The following TMC6 variants were observed in gnomAD, a reference collection of about 807,000 sequenced individuals.
TMC6 encodes transmembrane channel-like protein 6.
TMC6 carries 71 observed loss-of-function variants against 95.4 expected under a neutral mutation model. The ratio of observed to expected loss-of-function variants is 0.74; its 90% CI spans 0.61 to 0.91. The LOEUF is 0.91. Ranked by LOEUF, TMC6 falls within the 40% of genes least tolerant of loss-of-function variation. The probability of loss-of-function intolerance (pLI) is 0.00; values close to 1 mark genes in which losing one functional copy is unlikely to be tolerated. For missense variants in TMC6, 1,074 were observed against 1,079.1 expected (o/e 1.00, Z 0.07); for synonymous variants, 514 against 483.1 (o/e 1.06, Z -0.84).
chr17:78,132,272 G>A (rs1184520316), upstream of TMC6: 30 of 1,528,732 alleles, frequency 2.0e-5, no homozygotes, highest in East Asian at 4.7e-4. Flanking sequence ...GGCACCCCAC[G>A]CCGTCCGGTG....
upstream of TMC6, chr17:78,131,330 G>A: frequency 1.7e-6 from 1 of 584,472 alleles, no homozygotes; most frequent in Non-Finnish European, 3.0e-6. Context: ...GTTGGAGCGG[G>A]GCTGGGCCCG....
chr17:78,131,688 ACGC>A, upstream of TMC6: 1 of 1,577,318 alleles, frequency 6.3e-7, no homozygotes, highest in East Asian at 2.3e-5. Context: ...CGGCTCTGGG[ACGC>A]CCGTGCGCGG....
chr17:78,125,058 C>T (rs2074633526), intron 6 of TMC6, 73 bp from the exon 7 acceptor site: 3 of 1,540,434 alleles, frequency 1.9e-6, no homozygotes, highest in Admixed American at 2.0e-5. Context: ...AGACCGGCCA[C>T]CCACGGGCTC....
At chr17:78,125,677 C>G in intron 5 of TMC6, 49 bp downstream of exon 5, 3 of 1,548,132 alleles carry the variant, frequency 1.9e-6, no homozygotes, top group Non-Finnish European at 2.6e-6. Context: ...TCTTGCACCC[C>G]ACCCCAGGCC....
At position 78,125,816 on chromosome 17, in the gene TMC6, G is replaced by C. The variant is rs201014463; in HGVS notation, c.340C>G (p.Arg114Gly). 9.0e-6 allele frequency: 14 copies of C among 1,556,610 alleles called. No individual in the cohort carries two copies. The South Asian group carries it at 1.7e-4, about 18-fold the overall frequency. Residue 114 changes from arginine to glycine, a missense_variant, in exon 5 of 20, where the codon CGG (arginine) becomes GGG (glycine). Coordinates refer to ENST00000590602, the MANE Select transcript of TMC6 (RefSeq NM_001127198.5). ...RTVQLRCRSS[R>G]PLLGNFVRSA... is the part of the protein sequence containing the mutation. ...CGGACAAAGTTCCCGAGCAGGGGCCGGCTGCTCCTGCACCGAAGCTGCACC... is the reference window on the plus strand; with the variant it reads ...CGGACAAAGTTCCCGAGCAGGGGCCCGCTGCTCCTGCACCGAAGCTGCACC...
chr17:78,109,393 T>C lies in TMC6; in HGVS notation c.*3755A>G. 2.2e-6 allele frequency: 1 copy of C among 454,412 alleles called. No homozygotes were observed. Among genetic ancestry groups the C allele is most frequent in the Non-Finnish European group, 4.4e-6 (1 of 226,142 alleles). 28.1% of individuals were successfully genotyped at this position (454,412 alleles called of 1,614,324 possible). Reference sequence around the variant, plus strand: ...AGGATCCACGTGGAAACAAAGCTGCTTAGCTCTGCATATCAGTGCTTCTCG... The same window carrying C: ...AGGATCCACGTGGAAACAAAGCTGCCTAGCTCTGCATATCAGTGCTTCTCG... On this transcript the variant is annotated 3_prime_UTR_variant, in exon 20 of 20. Transcript: ENST00000590602.
intron 19 of TMC6, 149 bp downstream of exon 19, chr17:78,113,399 G>C (rs1410621276): frequency 8.3e-7 from 1 of 1,210,118 alleles, no homozygotes; most frequent in African/African-American, 1.5e-5. Context: ...GAGAGTGAAG[G>C]TGGGCGCCGG....
At chr17:78,131,001 C>G (rs1418874637), upstream of TMC6, 1 of 179,428 alleles carries the variant, frequency 5.6e-6, no homozygotes. Flanking sequence ...CGCGGGGTAC[C>G]TGGGACTGGA....
intron 19 of TMC6, 135 bp downstream of exon 19, chr17:78,113,413 G>A (rs1428330061): frequency 3.2e-6 from 4 of 1,260,048 alleles, no homozygotes; most frequent in African/African-American, 1.5e-5. Context: ...GCGCCGGGGG[G>A]GAGATTTTTG....
In TMC6 at chr17:78,124,794, G is replaced by A. The variant is rs2074612997; in HGVS notation, c.634-13C>T. ...GGCTGTGCAAGGCCTGCGGGCACAGGCAGAGAGGCCCTGAGGGTGAGGCCG... is the reference window on the plus strand; with the variant it reads ...GGCTGTGCAAGGCCTGCGGGCACAGACAGAGAGGCCCTGAGGGTGAGGCCG... On this transcript the variant is annotated splice_polypyrimidine_tract_variant and intron_variant, in intron 7 of 19. Coordinates refer to ENST00000590602, the MANE Select transcript of TMC6 (RefSeq NM_001127198.5). 3.2e-6 allele frequency: 5 copies of A among 1,579,464 alleles called. No homozygotes were observed. The highest frequency in any genetic ancestry group is 2.3e-5 in the South Asian group (2 of 87,342).
At position 78,125,251 on chromosome 17, in the gene TMC6, A is replaced by T; in HGVS notation, c.443T>A (p.Leu148His). 1 of 1,576,168 alleles carries T rather than the reference A, an allele frequency of 6.3e-7. No homozygotes were observed. The change falls in exon 6 of 20, where the codon CTC (leucine) becomes CAC (histidine). Residue 148 changes from leucine (L) to histidine (H), a missense_variant. Physicochemically the swap from Leu to His is moderately conservative, Grantham distance 99. Coordinates refer to ENST00000590602, the MANE Select transcript of TMC6 (RefSeq NM_001127198.5). ...TALEEEEKQS[L>H]LVKELQSLAV... The stretch of plus-strand genomic sequence containing the variant: ...CAGGCTCTGGAGCTCCTTCACCAGG[A>T]GGCTCTGCTTCTCTGCGAGAGGGAG...
chr17:78,130,519 C>G (rs944099669), upstream of TMC6: 1 of 152,408 alleles, frequency 6.6e-6, no homozygotes, highest in Non-Finnish European at 1.5e-5. Context: ...CCAGTGGACC[C>G]TAGGGCTGCA....
intron 17 of TMC6, 33 bp from the exon 18 acceptor site, chr17:78,117,380 G>A (rs754165500): frequency 6.2e-7 from 1 of 1,612,722 alleles, no homozygotes; most frequent in Non-Finnish European, 8.5e-7. Context: ...CAGGGCCCAG[G>A]GCCACAGCCC....
At chr17:78,113,513 C>T (rs1325065601) in intron 19 of TMC6, 35 bp downstream of exon 19, 7 of 1,611,698 alleles carry the variant, frequency 4.3e-6, no homozygotes, top group South Asian at 3.3e-5. Flanking sequence ...CCCCTCCAGG[C>T]TCAGAGTGTC....
Position 78,112,375 on chromosome 17 carries a change from C to A in TMC6, c.*773G>T. The A allele has an allele frequency of 5.2e-6, 1 of 191,620 alleles. No individual in the cohort carries two copies. Among genetic ancestry groups the A allele is most frequent in the South Asian group, 6.7e-5 (1 of 14,838 alleles). The allele number at this position is 191,620 out of a possible 1,614,324, so 11.9% of individuals were successfully genotyped here. ...TGGTCCCCGAATCCCTGTGCCCACC[C>A]CCCACAGCCTACGGTTTTCGGTATC... On this transcript the variant is annotated 3_prime_UTR_variant, in exon 20 of 20. Coordinates refer to ENST00000590602, the MANE Select transcript of TMC6 (RefSeq NM_001127198.5).
At chr17:78,115,963 G>A (rs984089483) in intron 18 of TMC6, among the ~76,000 whole-genome samples, 1 of 151,866 alleles carries the variant, frequency 6.6e-6, no homozygotes. Context: ...GTACTCCTGG[G>A]GGCTGCCTCT....
Position 78,113,056 on chromosome 17 carries a change from C to T in TMC6, c.*92G>A. 1 of 1,467,328 alleles carries T rather than the reference C, an allele frequency of 6.8e-7. No individual in the cohort carries two copies. The highest frequency in any genetic ancestry group is 9.3e-7 in the Non-Finnish European group (1 of 1,073,118). 90.9% of individuals were successfully genotyped at this position (1,467,328 alleles called of 1,614,324 possible). ...TGCGGCTTTCGAGAGGCGAAACTGT[C>T]TTCCTTGTCCTGGTGTCCCAGCAGG... On this transcript the variant is annotated 3_prime_UTR_variant, in exon 20 of 20. Transcript: ENST00000590602.
chr17:78,131,886 C>A, upstream of TMC6: 1 of 1,459,468 alleles, frequency 6.9e-7, no homozygotes, highest in Non-Finnish European at 9.0e-7. Context: ...GTCCAGGCAG[C>A]TGCGGGAGCC....
chr17:78,111,375 CA>C lies in TMC6; in HGVS notation c.*1772del, dbSNP rs1233088111. On this transcript the variant is annotated 3_prime_UTR_variant, in exon 20 of 20. Coordinates refer to ENST00000590602, the MANE Select transcript of TMC6 (RefSeq NM_001127198.5). ...AGGTCACAACCAATGATCATGCTGG[CA>C]AGCCAGCAGTGGCAGGCGCACGTCC... The C allele has an allele frequency of 6.6e-6, 1 of 152,406 alleles. No individual in the cohort carries two copies. Among genetic ancestry groups the C allele is most frequent in the Non-Finnish European group, 1.5e-5 (1 of 68,156 alleles). The allele number at this position is 152,406 out of a possible 1,614,324, so 9.4% of individuals were successfully genotyped here.
Sources: allele counts gnomAD v4.1 joint callset (sites outside exome capture counted in the v4.1 genomes callset), GRCh38; gene constraint gnomAD v4.1.1; transcripts MANE v1.5; gene names NCBI Gene and HGNC (gene_info 2026-07-23, HGNC 2026-07-21).